Variants in ARHGAP24 observed in about 807,000 individuals in gnomAD.
ARHGAP24 encodes the protein Rho GTPase activating protein 24, also known as rho GTPase-activating protein 24.
A neutral mutation model predicts 76.4 loss-of-function variants in ARHGAP24; 50 were observed. That is an observed-to-expected ratio of 0.65 (90% confidence interval 0.52 to 0.83). The LOEUF is 0.83. Among genes scored for constraint, ARHGAP24 ranks in the 40% least tolerant of loss-of-function variants. ARHGAP24 has a pLI of 0.00. For synonymous variants in ARHGAP24, 345 were observed against 323.3 expected (o/e 1.07, Z -0.72); for missense variants, 930 against 914.2 (o/e 1.02, Z -0.22).
At position 85,839,651 on chromosome 4, in the gene ARHGAP24, A is replaced by G. The variant is rs140485081; in HGVS notation, c.269-83997A>G. Among the ~76,000 whole-genome samples the G allele has an allele frequency of 9.2e-3, 1,398 of 151,602 alleles. 11 individuals are homozygous for G. Among genetic ancestry groups the G allele is most frequent in the African/African-American group, 0.013 (547 of 41,344 alleles). ...TTTTTAGTAGAGACCGCATTTCACT[A>G]TGTTGGCCAGGATGGTCTCCATCTC... On this transcript the variant is annotated intron_variant, in intron 3 of 9. Transcript: ENST00000395184.
intron 9 of ARHGAP24, among the ~76,000 whole-genome samples, chr4:85,998,017 TATTA>T (rs1252167523): frequency 2.0e-5 from 3 of 152,228 alleles, no homozygotes; most frequent in South Asian, 2.1e-4. Context: ...ATCTGGATGA[TATTA>T]ATTATTTGGT....
At chr4:85,862,282 G>T (rs745589203) in intron 3 of ARHGAP24, among the ~76,000 whole-genome samples, 5 of 152,038 alleles carry the variant, frequency 3.3e-5, no homozygotes, top group Non-Finnish European at 5.9e-5. Flanking sequence ...GGTGGAAGAA[G>T]ATTTATAGGC....
intron 1 of ARHGAP24, among the ~76,000 whole-genome samples, chr4:85,518,662 C>T (rs1370509233): frequency 6.6e-6 from 1 of 152,108 alleles, no homozygotes; most frequent in South Asian, 2.1e-4. Flanking sequence ...TAATAGTCAC[C>T]AATCTCATCC....
At chr4:85,485,994 C>T (rs1224674664) in intron 1 of ARHGAP24, among the ~76,000 whole-genome samples, 1 of 152,150 alleles carries the variant, frequency 6.6e-6, no homozygotes, top group East Asian at 1.9e-4. Flanking sequence ...TCACCTCGGC[C>T]TCCCAAAGTG....
chr4:85,590,184 GCCTGCCTGCCTT>G (rs1200847553), intron 2 of ARHGAP24, among the ~76,000 whole-genome samples: 30 of 108,214 alleles, frequency 2.8e-4, no homozygotes, highest in African/African-American at 8.4e-4. Context: ...CTGCCTGCCT[GCCTGCCTGCCTT>G]CCTTCCTTCC....
intron 5 of ARHGAP24, among the ~76,000 whole-genome samples, chr4:85,956,650 C>T (rs1296903827): frequency 6.6e-6 from 1 of 152,190 alleles, no homozygotes; most frequent in Non-Finnish European, 1.5e-5. Flanking sequence ...AACCCAGTGA[C>T]TAGTGTTCAG....
intron 3 of ARHGAP24, among the ~76,000 whole-genome samples, chr4:85,760,817 G>T (rs967843093): frequency 7.2e-5 from 11 of 152,136 alleles, no homozygotes; most frequent in African/African-American, 2.4e-4. Flanking sequence ...CAGTTGACTT[G>T]CCCCACGTAG....
chr4:85,935,369 C>G (rs1252653273), intron 4 of ARHGAP24, among the ~76,000 whole-genome samples: 1 of 152,162 alleles, frequency 6.6e-6, no homozygotes, highest in Admixed American at 6.5e-5. Context: ...ACCAAATTAT[C>G]TATTAAGTTG....
intron 2 of ARHGAP24, among the ~76,000 whole-genome samples, chr4:85,581,084 T>C (rs1727590529): frequency 6.6e-6 from 1 of 152,178 alleles, no homozygotes; most frequent in Non-Finnish European, 1.5e-5. Flanking sequence ...TAAAAATCCT[T>C]CCTGTTTCTG....
intron 1 of ARHGAP24, among the ~76,000 whole-genome samples, chr4:85,523,500 A>G (rs150924119): frequency 6.6e-6 from 1 of 152,316 alleles, no homozygotes; most frequent in Non-Finnish European, 1.5e-5. Context: ...AGCACTCCTT[A>G]AACAAATATA....
intron 8 of ARHGAP24, among the ~76,000 whole-genome samples, chr4:85,984,237 G>A (rs1412638690): frequency 6.6e-6 from 1 of 152,164 alleles, no homozygotes; most frequent in Non-Finnish European, 1.5e-5. Flanking sequence ...AATATAGATT[G>A]GTAAGTGGGT....
At chr4:85,579,420 G>A (rs1472278667) in intron 2 of ARHGAP24, among the ~76,000 whole-genome samples, 2 of 147,776 alleles carry the variant, frequency 1.4e-5, no homozygotes, top group Non-Finnish European at 3.0e-5. Context: ...ACAGCAATGT[G>A]TTTTAAAAGC....
At chr4:85,570,890 A>C in intron 2 of ARHGAP24, 169 bp downstream of exon 2, 2 of 745,734 alleles carry the variant, frequency 2.7e-6, no homozygotes, top group Non-Finnish European at 4.2e-6. Context: ...GAGATAATAA[A>C]ATCGCTAATT....
At chr4:85,617,292 C>A (rs1720573015) in intron 2 of ARHGAP24, among the ~76,000 whole-genome samples, 1 of 150,038 alleles carries the variant, frequency 6.7e-6, no homozygotes, top group South Asian at 2.1e-4. Flanking sequence ...ATATACTTAA[C>A]ATTTTTAAAT....
intron 3 of ARHGAP24, among the ~76,000 whole-genome samples, chr4:85,767,573 G>A (rs78288366): frequency 0.015 from 2,228 of 152,164 alleles, 49 homozygotes; most frequent in African/African-American, 0.05. Context: ...AACAACAAAA[G>A]CAAACTGAGT....
intron 2 of ARHGAP24, among the ~76,000 whole-genome samples, chr4:85,617,142 G>A (rs947210007): frequency 6.9e-6 from 1 of 145,562 alleles, no homozygotes; most frequent in African/African-American, 2.5e-5. Context: ...TACTTGTATA[G>A]CTTTATGTTA....
chr4:85,687,979 T>G (rs936531450), intron 2 of ARHGAP24, among the ~76,000 whole-genome samples: 2 of 151,980 alleles, frequency 1.3e-5, no homozygotes, highest in African/African-American at 4.8e-5. Context: ...GCTCGGCTAA[T>G]TTTTTGTATT....
At chr4:85,969,738 C>T (rs1738847876) in intron 5 of ARHGAP24, among the ~76,000 whole-genome samples, 1 of 152,042 alleles carries the variant, frequency 6.6e-6, no homozygotes, top group Admixed American at 6.6e-5. Context: ...GGTGGTTTGT[C>T]AGAAAACAAA....
At chr4:85,833,804 T>C (rs1422149331) in intron 3 of ARHGAP24, among the ~76,000 whole-genome samples, 1 of 152,202 alleles carries the variant, frequency 6.6e-6, no homozygotes, top group African/African-American at 2.4e-5. Flanking sequence ...AGGCCAAATG[T>C]GTCTGAAACT....
Sources: allele counts gnomAD v4.1 joint callset (sites outside exome capture counted in the v4.1 genomes callset), GRCh38; gene constraint gnomAD v4.1.1; transcripts MANE v1.5; gene names NCBI Gene and HGNC (gene_info 2026-07-23, HGNC 2026-07-21).